The following BOC variants were observed in gnomAD, a reference collection of about 807,000 sequenced individuals.
BOC encodes the protein BOC cell adhesion associated, oncogene regulated, also known as brother of CDO.
BOC carries 76 observed loss-of-function variants against 112.0 expected under a neutral mutation model. The observed-to-expected ratio is 0.68, with a 90% confidence interval of 0.56 to 0.82. BOC has a LOEUF of 0.82. BOC is among the 40% of genes least tolerant of loss of function. The pLI is 0.00. For synonymous variants in BOC, 580 were observed against 599.8 expected, an observed-to-expected ratio of 0.97 and a Z score of 0.48; for missense variants, 1,309 against 1,511.7, an observed-to-expected ratio of 0.87 and a Z score of 2.22.
chr3:113,270,993 G>A (rs952691342), intron 6 of BOC, 49 bp downstream of exon 6: 20 of 1,612,186 alleles, frequency 1.2e-5, no homozygotes, highest in African/African-American at 6.7e-5. Context: ...CTGATGGAAG[G>A]GCTCACAAAG....
intron 8 of BOC, 147 bp downstream of exon 8, chr3:113,273,488 T>G (rs1948358253): frequency 1.1e-6 from 1 of 921,548 alleles, no homozygotes; most frequent in Non-Finnish European, 1.5e-6. Flanking sequence ...TTAATAAATC[T>G]GAAGTACAGA....
rs1480625722 is a variant in BOC, at chr3:113,283,609, T to C, written c.2633T>C (p.Leu878Ser). 2 of 1,613,644 alleles carry C rather than the reference T, an allele frequency of 1.2e-6. No homozygotes were observed. Among genetic ancestry groups the C allele is most frequent in the Admixed American group, 1.7e-5 (1 of 59,986 alleles). Residue 878 changes from leucine to serine, a missense_variant, in exon 16 of 20, where the codon TTG (leucine) becomes TCG (serine). By Grantham distance (145) the Leu-to-Ser change is moderately radical. Transcript: ENST00000682979. ...ATCGTCACCTTCATCCCCTTCTGCT[T>C]GTGGAGGGCCTGGTCTAAGCAAAGT... ...LIIVTFIPFC[L>S]WRAWSKQKHT...
At chr3:113,252,352 G>A (rs889871257) in intron 4 of BOC, among the ~76,000 whole-genome samples, 1 of 152,206 alleles carries the variant, frequency 6.6e-6, no homozygotes, top group Admixed American at 6.5e-5. Flanking sequence ...GGGCATCCAT[G>A]TCACCATCAT....
chr3:113,214,235 C>T (rs955270850), intron 1 of BOC, among the ~76,000 whole-genome samples: 4 of 152,198 alleles, frequency 2.6e-5, no homozygotes, highest in African/African-American at 9.7e-5. Context: ...TTCCACCCTC[C>T]AAATGGGTCC....
rs200889045 is a variant in BOC, at chr3:113,272,613, G to A, written c.871G>A (p.Glu291Lys). Residue 291 changes from glutamate (E) to lysine (K), a missense_variant, in exon 7 of 20, where the codon GAG (glutamate) becomes AAG (lysine). Glu to Lys is a moderately conservative substitution (Grantham distance 56, BLOSUM62 1). Transcript: ENST00000682979. ...CAACCTCCTCATCGACACCACCAGCGAGGAGGACTCAGGCACCTACCGCTG... is the reference window on the plus strand; with the variant it reads ...CAACCTCCTCATCGACACCACCAGCAAGGAGGACTCAGGCACCTACCGCTG... ...LSNLLIDTTSEEDSGTYRCMA... is the reference protein window; with the variant it reads ...LSNLLIDTTSKEDSGTYRCMA... 17 of 1,613,992 alleles carry A rather than the reference G, an allele frequency of 1.1e-5. No homozygotes were observed. Among genetic ancestry groups the A allele is most frequent in the African/African-American group, 4.0e-5 (3 of 74,958 alleles).
chr3:113,259,777 A>G (rs1209805408), intron 4 of BOC, among the ~76,000 whole-genome samples: 1 of 152,250 alleles, frequency 6.6e-6, no homozygotes, highest in African/African-American at 2.4e-5. Flanking sequence ...AAGTAGAAAC[A>G]GCATTTATTT....
chr3:113,262,605 A>G (rs906537800), intron 4 of BOC, among the ~76,000 whole-genome samples: 2 of 152,094 alleles, frequency 1.3e-5, no homozygotes, highest in Non-Finnish European at 2.9e-5. Flanking sequence ...GTAAACCCCA[A>G]CCACTCACCA....
intron 2 of BOC, among the ~76,000 whole-genome samples, chr3:113,249,372 C>T (rs958687208): frequency 1.9e-4 from 29 of 152,336 alleles, no homozygotes; most frequent in African/African-American, 7.0e-4. Flanking sequence ...GCATCTGTGC[C>T]AGATAGTCAC....
chr3:113,278,522 C>A lies in BOC; in HGVS notation c.1706-151C>A. On this transcript the variant is annotated intron_variant, in intron 10 of 19. Coordinates refer to ENST00000682979, the MANE Select transcript of BOC (RefSeq NM_001378074.1). The surrounding 1 kb of genome is among the most constrained non-coding windows in gnomAD (Gnocchi z 4.2). ...AGTACCACAACAGAACCAGTCTCGG[C>A]CGAGGCTGAGCCCACACCCTCAGTG... is the stretch of plus-strand genomic sequence containing the variant. The A allele has an allele frequency of 1.3e-6, 1 of 783,544 alleles. No homozygotes were observed. Among genetic ancestry groups the A allele is most frequent in the Non-Finnish European group, 2.1e-6 (1 of 482,174 alleles). The allele number at this position is 783,544 out of a possible 1,614,324, so 48.5% of individuals were successfully genotyped here.
At chr3:113,233,794 C>T (rs1943040820) in intron 2 of BOC, among the ~76,000 whole-genome samples, 1 of 152,118 alleles carries the variant, frequency 6.6e-6, no homozygotes, top group Admixed American at 6.6e-5. Context: ...TTCTTCTTCT[C>T]CACATTCAGC....
chr3:113,220,958 G>A (rs531018758), intron 2 of BOC, among the ~76,000 whole-genome samples: 61 of 152,292 alleles, frequency 4.0e-4, no homozygotes, highest in African/African-American at 1.4e-3. Flanking sequence ...GTGGAGTGCT[G>A]GGAAAGATGG....
At chr3:113,218,200 A>C (rs781376877) in intron 2 of BOC, among the ~76,000 whole-genome samples, 1 of 152,284 alleles carries the variant, frequency 6.6e-6, no homozygotes, top group East Asian at 1.9e-4. Context: ...AGCCCCCGCC[A>C]CCAAGTCTAC....
intron 2 of BOC, among the ~76,000 whole-genome samples, chr3:113,238,638 G>T (rs1385652893): frequency 6.6e-6 from 1 of 152,216 alleles, no homozygotes; most frequent in Non-Finnish European, 1.5e-5. Flanking sequence ...GCATGGTAGA[G>T]TGAAAAGAAC....
intron 4 of BOC, among the ~76,000 whole-genome samples, chr3:113,265,431 G>C (rs748808401): frequency 6.6e-6 from 1 of 151,864 alleles, no homozygotes; most frequent in African/African-American, 2.4e-5. Context: ...GCTTCACAGC[G>C]CCTGAGGAAT....
In BOC at chr3:113,284,450, T is replaced by C. The variant is rs1395860254; in HGVS notation, c.2772T>C (p.Ser924=). The C allele has an allele frequency of 2.5e-6, 4 of 1,614,096 alleles. No homozygotes were observed. The highest frequency in any genetic ancestry group is 1.3e-5 in the African/African-American group (1 of 74,938). The change falls in exon 17 of 20, where the codon AGT becomes AGC. Residue 924 remains serine, a synonymous_variant. Coordinates refer to ENST00000682979, the MANE Select transcript of BOC (RefSeq NM_001378074.1). ...GHQASGQPYL[S]GISGRACANG... ...AGGCCAGTGGACAGCCCTACCTCAG[T>C]GGCATCAGTGGACGGGCCTGTGCTA...
In BOC at chr3:113,284,504, C is replaced by G; in HGVS notation, c.2826C>G (p.Pro942=). 1 of 1,614,132 alleles carries G rather than the reference C, an allele frequency of 6.2e-7. No individual in the cohort carries two copies. The highest frequency in any genetic ancestry group is 8.5e-7 in the Non-Finnish European group (1 of 1,179,970). ...ANGIHMNRGC[P]SAAVGYPGMK... is the part of the protein sequence containing the mutation. Reference sequence around the variant, plus strand: ...GGATCCACATGAATAGGGGCTGCCCCTCGGCTGCAGTGGGCTACCCGGGCA... The same window carrying G: ...GGATCCACATGAATAGGGGCTGCCCGTCGGCTGCAGTGGGCTACCCGGGCA... The change falls in exon 17 of 20, where the codon CCC becomes CCG. Residue 942 remains proline (P), a synonymous_variant. Transcript: ENST00000682979.
At chr3:113,271,156 A>G in intron 6 of BOC, 3 of 722,714 alleles carry the variant, frequency 4.2e-6, no homozygotes, top group Admixed American at 4.0e-5. Flanking sequence ...ACACAGCACC[A>G]GGCGACTGCC....
At position 113,268,361 on chromosome 3, in the gene BOC, G is replaced by C. The variant is rs926737355; in HGVS notation, c.439G>C (p.Val147Leu). 1 of 1,614,030 alleles carries C rather than the reference G, an allele frequency of 6.2e-7. No homozygotes were observed. The highest frequency in any genetic ancestry group is 1.1e-5 in the South Asian group (1 of 91,064). Reference sequence around the variant, plus strand: ...TGAAGTGGATGAGGGAAACACAGCAGTCATTGCCTGCCACCTGCCTGAGAG... The same window carrying C: ...TGAAGTGGATGAGGGAAACACAGCACTCATTGCCTGCCACCTGCCTGAGAG... ...VIEVDEGNTA[V>L]IACHLPESHP... The change falls in exon 5 of 20, where the codon GTC becomes CTC. Residue 147 changes from valine to leucine, a missense_variant. Val to Leu is a conservative substitution (Grantham distance 32, BLOSUM62 1). Transcript: ENST00000682979.
chr3:113,281,333 T>C (rs557582483), intron 15 of BOC, among the ~76,000 whole-genome samples, 180 bp downstream of exon 15: 1 of 152,312 alleles, frequency 6.6e-6, no homozygotes, highest in East Asian at 1.9e-4. Flanking sequence ...TAATACTAAA[T>C]AGACCATGAT....
Sources: allele counts gnomAD v4.1 joint callset (sites outside exome capture counted in the v4.1 genomes callset), GRCh38; gene constraint gnomAD v4.1.1; non-coding constraint Gnocchi (gnomAD v3.1); transcripts MANE v1.5; gene names NCBI Gene and HGNC (gene_info 2026-07-23, HGNC 2026-07-21).